The following PTPRD variants were observed in gnomAD, a reference collection of about 807,000 sequenced individuals.
The protein encoded by PTPRD is receptor-type tyrosine-protein phosphatase delta.
A neutral mutation model predicts 214.5 loss-of-function variants in PTPRD; 34 were observed. The observed-to-expected ratio is 0.16, with a 90% CI of 0.12 to 0.21. The LOEUF is 0.21. PTPRD is among the 10% of genes least tolerant of loss of function. The pLI is 1.00. For synonymous variants in PTPRD, 1,128 were observed against 845.7 expected (o/e 1.33, Z -5.79); for missense variants, 2,545 against 2,398.7 (o/e 1.06, Z -1.27).
chr9:8,523,615 C>G (rs1029335343), intron 18 of PTPRD, 91 bp from the exon 19 acceptor site: 9 of 1,400,828 alleles, frequency 6.4e-6, no homozygotes, highest in Non-Finnish European at 7.0e-6. Flanking sequence ...AAGGCCATAT[C>G]AAGGCTTTCA....
chr9:10,305,236 C>A (rs1380827554), intron 3 of PTPRD, among the ~76,000 whole-genome samples: 3 of 152,032 alleles, frequency 2.0e-5, no homozygotes, highest in Non-Finnish European at 2.9e-5. Flanking sequence ...CCCTTGCTTA[C>A]ACCTTATAGC....
At chr9:8,513,715 C>T (rs1369527265) in intron 21 of PTPRD, among the ~76,000 whole-genome samples, 1 of 152,018 alleles carries the variant, frequency 6.6e-6, no homozygotes, top group East Asian at 1.9e-4. Context: ...TTTCTTGTTA[C>T]TCCTTTTTCT....
intron 10 of PTPRD, among the ~76,000 whole-genome samples, chr9:9,180,407 T>C (rs1470213569): frequency 7.9e-6 from 1 of 126,836 alleles, no homozygotes; most frequent in Admixed American, 1.0e-4. Flanking sequence ...TGAGAACACA[T>C]GGACACAGGA....
intron 3 of PTPRD, among the ~76,000 whole-genome samples, chr9:10,273,728 T>G (rs2154384525): frequency 6.6e-6 from 1 of 152,200 alleles, no homozygotes; most frequent in Middle Eastern, 3.4e-3. Context: ...TGATTTCTGG[T>G]GTGTAGTCAA....
intron 11 of PTPRD, among the ~76,000 whole-genome samples, chr9:8,970,214 G>T (rs775404962): frequency 6.6e-6 from 1 of 151,930 alleles, no homozygotes; most frequent in Non-Finnish European, 1.5e-5. Flanking sequence ...CTAGGCTAGT[G>T]CTATGGGCTT....
intron 14 of PTPRD, among the ~76,000 whole-genome samples, chr9:8,595,409 T>C (rs903277726): frequency 3.9e-5 from 6 of 152,160 alleles, no homozygotes; most frequent in African/African-American, 1.4e-4. Flanking sequence ...AGAATTTAAA[T>C]GCCATACAGG....
chr9:8,951,138 A>AGTGGGTGTGTGT (rs2099099527), intron 11 of PTPRD, among the ~76,000 whole-genome samples: 1 of 147,124 alleles, frequency 6.8e-6, no homozygotes, highest in Admixed American at 6.9e-5. Flanking sequence ...TAGGAAAAAG[A>AGTGGGTGTGTGT]GTGTGTGTGT....
chr9:8,629,650 G>C (rs1341893635), intron 14 of PTPRD, among the ~76,000 whole-genome samples: 1 of 151,614 alleles, frequency 6.6e-6, no homozygotes, highest in African/African-American at 2.4e-5. Context: ...GCTTAGGATG[G>C]GAAAACACAA....
chr9:8,541,767 G>T (rs539951394), intron 14 of PTPRD, among the ~76,000 whole-genome samples: 2 of 152,108 alleles, frequency 1.3e-5, no homozygotes, highest in Non-Finnish European at 2.9e-5. Context: ...GCCCAAAGAA[G>T]TTTACAACTA....
intron 2 of PTPRD, among the ~76,000 whole-genome samples, chr9:10,369,306 A>G (rs2097569218): frequency 6.6e-6 from 1 of 152,076 alleles, no homozygotes; most frequent in South Asian, 2.1e-4. Flanking sequence ...AGCACATTGC[A>G]TCTATTTTCC....
At chr9:10,063,167 G>T (rs2154171288) in intron 3 of PTPRD, among the ~76,000 whole-genome samples, 1 of 152,060 alleles carries the variant, frequency 6.6e-6, no homozygotes, top group Middle Eastern at 3.4e-3. Context: ...ATGTAACAAG[G>T]TCAAGTTCTG....
chr9:8,926,219 C>G (rs2098890564), intron 11 of PTPRD, among the ~76,000 whole-genome samples: 1 of 152,078 alleles, frequency 6.6e-6, no homozygotes, highest in Non-Finnish European at 1.5e-5. Context: ...ATCAACTCAG[C>G]TTCTACTTAT....
chr9:8,529,345 A>C (rs1205000149), intron 14 of PTPRD, among the ~76,000 whole-genome samples: 2 of 152,074 alleles, frequency 1.3e-5, no homozygotes, highest in African/African-American at 4.8e-5. Context: ...TTCCCTCACA[A>C]GTATAAGGTT....
intron 8 of PTPRD, among the ~76,000 whole-genome samples, chr9:9,439,379 G>A (rs542046196): frequency 1.4e-4 from 21 of 152,208 alleles, no homozygotes; most frequent in Middle Eastern, 3.4e-3. Flanking sequence ...CTGAGGATCA[G>A]GAGTCTTAGG....
At chr9:9,605,150 C>A (rs1351261388) in intron 7 of PTPRD, among the ~76,000 whole-genome samples, 2 of 152,046 alleles carry the variant, frequency 1.3e-5, no homozygotes, top group East Asian at 3.8e-4. Flanking sequence ...TGGAACATTA[C>A]CATTATTCCC....
chr9:8,415,739 C>A (rs572254896), intron 35 of PTPRD, among the ~76,000 whole-genome samples: 1 of 152,122 alleles, frequency 6.6e-6, no homozygotes, highest in Non-Finnish European at 1.5e-5. Flanking sequence ...GACATGCAGA[C>A]AATGGAGGGC....
At chr9:9,455,851 A>G (rs191758187) in intron 8 of PTPRD, among the ~76,000 whole-genome samples, 1 of 151,778 alleles carries the variant, frequency 6.6e-6, no homozygotes, top group Admixed American at 6.6e-5. Flanking sequence ...AATGGATGCT[A>G]CTAGAGCAGG....
chr9:9,440,857 T>C (rs909943496), intron 8 of PTPRD, among the ~76,000 whole-genome samples: 1 of 152,184 alleles, frequency 6.6e-6, no homozygotes, highest in African/African-American at 2.4e-5. Context: ...ACATGGGCTT[T>C]TCTGAGTTGG....
intron 11 of PTPRD, among the ~76,000 whole-genome samples, chr9:8,827,276 C>G (rs976572722): frequency 4.6e-5 from 7 of 151,034 alleles, no homozygotes; most frequent in Admixed American, 4.0e-4. Context: ...TAAATAGATA[C>G]GTGACTCAAC....
Sources: allele counts gnomAD v4.1 joint callset (sites outside exome capture counted in the v4.1 genomes callset), GRCh38; gene constraint gnomAD v4.1.1; transcripts MANE v1.5; gene names NCBI Gene and HGNC (gene_info 2026-07-23, HGNC 2026-07-21).